ERAP1: variants seen among roughly 807,000 people sequenced by gnomAD.
The protein encoded by ERAP1 is endoplasmic reticulum aminopeptidase 1.
ERAP1 carries 86 observed loss-of-function variants against 103.7 expected under a neutral mutation model. The ratio of observed to expected loss-of-function variants is 0.83; its 90% confidence interval spans 0.70 to 0.99. ERAP1 has a LOEUF of 0.99. Ranked by LOEUF, ERAP1 falls within the 50% of genes least tolerant of loss-of-function variation. ERAP1 has a pLI of 0.00. For missense variants in ERAP1, 1,009 were observed against 1,128.4 expected (o/e 0.89, Z 1.52); for synonymous variants, 398 against 402.4 (o/e 0.99, Z 0.13).
At chr5:96,828,043 T>TAC in the ERAP1 span, among the ~76,000 whole-genome samples, 9 of 152,254 alleles carry the variant, frequency 5.9e-5, no homozygotes, top group African/African-American at 2.2e-4. Flanking sequence ...TAGAAGTGGA[T>TAC]ACATTCATCT....
chr5:96,786,038 A>T, intron 12 of ERAP1, 67 bp from the exon 13 acceptor site: 1 of 1,462,052 alleles, frequency 6.8e-7, no homozygotes, highest in Non-Finnish European at 9.5e-7. Flanking sequence ...TTCTCATCCA[A>T]GATTGGGCAA....
At chr5:96,814,057 C>CAGTTTCTGTGGGTTGGT in the ERAP1 span, 4 of 301,014 alleles carry the variant, frequency 1.3e-5, no homozygotes, top group East Asian at 8.2e-5. Context: ...TATTAACTCA[C>CAGTTTCTGTGGGTTGGT]AGTTTCTGTG....
the ERAP1 span, among the ~76,000 whole-genome samples, chr5:96,912,482 A>T: frequency 6.6e-6 from 1 of 152,186 alleles, no homozygotes; most frequent in Non-Finnish European, 1.5e-5. Flanking sequence ...AAGCACATAA[A>T]ATATTTTTAT....
chr5:96,773,047 T>A (rs1358882322), downstream of ERAP1: 1 of 153,906 alleles, frequency 6.5e-6, no homozygotes, highest in Non-Finnish European at 1.5e-5. Context: ...AACAATGTTT[T>A]AAACATTCTT....
chr5:96,790,326 G>A lies in ERAP1; in HGVS notation c.1494C>T (p.Cys498=), dbSNP rs201093556. The change falls in exon 10 of 19, where the codon TGC becomes TGT. Residue 498 remains cysteine, a synonymous_variant. Coordinates refer to ENST00000443439, the MANE Select transcript of ERAP1 (RefSeq NM_001040458.3). The part of the protein sequence containing the change: ...TDGVKGMDGF[C]SRSQHSSSSS... ...ATGAAGATGAATGTTGACTTCTAGA[G>A]CAAAAGCCATCCATCCCTTTTACAC... The A allele has an allele frequency of 1.9e-6, 3 of 1,614,074 alleles. No homozygotes were observed. Among genetic ancestry groups the A allele is most frequent in the African/African-American group, 2.7e-5 (2 of 75,044 alleles).
the ERAP1 span, among the ~76,000 whole-genome samples, chr5:96,842,973 A>G: frequency 1.3e-5 from 2 of 152,142 alleles, no homozygotes; most frequent in Non-Finnish European, 2.9e-5. Context: ...GCGAGGGGTG[A>G]GGATCCAGTT....
chr5:96,888,577 A>G, the ERAP1 span, among the ~76,000 whole-genome samples: 1 of 152,256 alleles, frequency 6.6e-6, no homozygotes, highest in South Asian at 2.1e-4. Flanking sequence ...GTTTTGAAGG[A>G]CTTCAGTTAA....
At chr5:96,873,713 G>A in the ERAP1 span, 5 of 322,528 alleles carry the variant, frequency 1.6e-5, no homozygotes, top group African/African-American at 1.1e-4. Context: ...CTAAAACACT[G>A]AAAATGCATT....
At chr5:96,809,888 GT>G (rs1397392955), upstream of ERAP1, among the ~76,000 whole-genome samples, 1 of 151,960 alleles carries the variant, frequency 6.6e-6, no homozygotes, top group Non-Finnish European at 1.5e-5. Context: ...TTTTGTTTTT[GT>G]TTTTGTTTTT....
the ERAP1 span, among the ~76,000 whole-genome samples, chr5:96,850,821 G>A: frequency 6.6e-6 from 1 of 152,116 alleles, no homozygotes; most frequent in African/African-American, 2.4e-5. Flanking sequence ...GCCAATATTT[G>A]TACACAGAAT....
intron 11 of ERAP1, chr5:96,786,907 T>C (rs962555659): frequency 9.2e-6 from 2 of 216,494 alleles, no homozygotes; most frequent in African/African-American, 4.6e-5. Context: ...GGGATTCCTG[T>C]CAATGATATG....
At chr5:96,865,015 T>C in the ERAP1 span, among the ~76,000 whole-genome samples, 1 of 152,202 alleles carries the variant, frequency 6.6e-6, no homozygotes, top group Non-Finnish European at 1.5e-5. Flanking sequence ...GCTAATGTTT[T>C]ATTTTTGTCC....
chr5:96,773,844 C>T (rs2150840843), downstream of ERAP1: 1 of 152,394 alleles, frequency 6.6e-6, no homozygotes, highest in African/African-American at 2.4e-5. Context: ...TTCCAAAGGG[C>T]ATGGCCTTCC....
the ERAP1 span, among the ~76,000 whole-genome samples, chr5:96,862,357 A>C: frequency 6.6e-6 from 1 of 152,334 alleles, no homozygotes; most frequent in South Asian, 2.1e-4. Context: ...CCCAAGTGCC[A>C]TCTCAATAAA....
the ERAP1 span, chr5:96,901,598 C>CA: frequency 6.2e-7 from 1 of 1,614,106 alleles, no homozygotes; most frequent in East Asian, 2.2e-5. Flanking sequence ...TTAAACAAGA[C>CA]GGGTGTTCAC....
intron 18 of ERAP1, among the ~76,000 whole-genome samples, chr5:96,779,008 T>C (rs1436239838): frequency 2.0e-5 from 3 of 152,198 alleles, no homozygotes; most frequent in Non-Finnish European, 4.4e-5. Context: ...CTGCACACAA[T>C]ACTCCTCTAG....
the ERAP1 span, among the ~76,000 whole-genome samples, chr5:96,849,954 G>A: frequency 1.8e-4 from 27 of 152,182 alleles, no homozygotes; most frequent in African/African-American, 5.3e-4. Context: ...AAATAAATCC[G>A]TGCATGTATA....
chr5:96,829,235 C>T, the ERAP1 span, among the ~76,000 whole-genome samples: 1 of 152,140 alleles, frequency 6.6e-6, no homozygotes, highest in Non-Finnish European at 1.5e-5. Flanking sequence ...ATAGTATTGA[C>T]ATAATAGGTT....
At chr5:96,928,883 A>C in the ERAP1 span, among the ~76,000 whole-genome samples, 1 of 152,190 alleles carries the variant, frequency 6.6e-6, no homozygotes, top group Non-Finnish European at 1.5e-5. Context: ...GTAAGATCTC[A>C]TGAGATGGGT....
Sources: allele counts gnomAD v4.1 joint callset (sites outside exome capture counted in the v4.1 genomes callset), GRCh38; gene constraint gnomAD v4.1.1; transcripts MANE v1.5; gene names NCBI Gene and HGNC (gene_info 2026-07-23, HGNC 2026-07-21).